CDH11: variants seen among roughly 807,000 people sequenced by gnomAD.
CDH11 encodes cadherin-11.
CDH11 carries 11 observed loss-of-function variants against 67.8 expected under a neutral mutation model. That is an observed-to-expected ratio of 0.16 (90% confidence interval 0.10 to 0.27). The LOEUF (loss-of-function observed/expected upper bound fraction) is 0.27. Ranked by LOEUF, CDH11 falls within the 10% of genes least tolerant of loss-of-function variation. The pLI is 1.00. For synonymous variants in CDH11, 419 were observed against 400.0 expected (o/e 1.05, Z -0.57); for missense variants, 847 against 1,031.2 (o/e 0.82, Z 2.45).
chr16:64,951,048 C>G, intron 11 of CDH11, 30 bp from the exon 12 acceptor site: 1 of 1,602,700 alleles, frequency 6.2e-7, no homozygotes, highest in Non-Finnish European at 8.5e-7. Context: ...AGGCCGTGCG[C>G]CCAGTCAAGA....
At chr16:65,051,560 T>C (rs546511554) in intron 2 of CDH11, among the ~76,000 whole-genome samples, 1 of 152,326 alleles carries the variant, frequency 6.6e-6, no homozygotes, top group Admixed American at 6.5e-5. Flanking sequence ...TCTTCCCTGA[T>C]ATGCTTTGGA....
intron 1 of CDH11, among the ~76,000 whole-genome samples, chr16:65,104,221 A>G (rs2075034847): frequency 6.6e-6 from 1 of 152,198 alleles, no homozygotes; most frequent in Admixed American, 6.5e-5. Context: ...TAAGCAGAGG[A>G]AAGATTCTCT....
At chr16:65,038,853 G>A (rs745664836) in intron 2 of CDH11, among the ~76,000 whole-genome samples, 3 of 152,196 alleles carry the variant, frequency 2.0e-5, no homozygotes, top group Non-Finnish European at 4.4e-5. Flanking sequence ...GTTTCCTACC[G>A]CACACCTGCC....
intron 3 of CDH11, among the ~76,000 whole-genome samples, chr16:65,003,155 T>C (rs193046565): frequency 1.0e-3 from 152 of 151,458 alleles, no homozygotes; most frequent in Non-Finnish European, 1.6e-3. Context: ...AAAAATACTT[T>C]AACAAAAATG....
At chr16:65,045,367 A>ATATATATATATG (rs1567546361) in intron 2 of CDH11, among the ~76,000 whole-genome samples, 4 of 123,492 alleles carry the variant, frequency 3.2e-5, no homozygotes, top group African/African-American at 9.2e-5. Flanking sequence ...ATATATATAT[A>ATATATATATATG]TATATGAACT....
At chr16:64,993,196 A>T (rs1417920153) in intron 4 of CDH11, among the ~76,000 whole-genome samples, 162 bp from the exon 5 acceptor site, 2 of 147,214 alleles carry the variant, frequency 1.4e-5, no homozygotes, top group East Asian at 2.0e-4. Context: ...CAGCCAACCA[A>T]CCTTCCTTCC....
At chr16:65,075,860 T>A (rs191617660) in intron 1 of CDH11, among the ~76,000 whole-genome samples, 152 of 152,342 alleles carry the variant, frequency 1.0e-3, no homozygotes, top group African/African-American at 3.4e-3. Flanking sequence ...TATAAATGAT[T>A]GTGTTTTCTT....
intron 3 of CDH11, among the ~76,000 whole-genome samples, chr16:65,003,079 T>A (rs2072961653): frequency 2.1e-5 from 3 of 142,804 alleles, no homozygotes; most frequent in African/African-American, 7.4e-5. Flanking sequence ...TAAGGATCTA[T>A]CTTTGTTTTT....
chr16:65,089,792 T>C (rs2074764537), intron 1 of CDH11, among the ~76,000 whole-genome samples: 1 of 152,218 alleles, frequency 6.6e-6, no homozygotes, highest in Non-Finnish European at 1.5e-5. Flanking sequence ...TAATGTATTC[T>C]TGCTAAATAC....
chr16:65,012,799 G>A (rs1285638173), intron 2 of CDH11, among the ~76,000 whole-genome samples: 1 of 152,170 alleles, frequency 6.6e-6, no homozygotes, highest in Non-Finnish European at 1.5e-5. Flanking sequence ...GAGGAAAAAA[G>A]TTTGGTGATT....
chr16:65,067,918 AGGAG>A (rs2074343804), intron 1 of CDH11, among the ~76,000 whole-genome samples: 1 of 109,208 alleles, frequency 9.2e-6, no homozygotes, highest in Non-Finnish European at 1.8e-5. Flanking sequence ...AAGGAAGGGA[AGGAG>A]GGAGGGAGGG....
intron 3 of CDH11, among the ~76,000 whole-genome samples, chr16:65,000,238 A>G (rs916091454): frequency 3.9e-5 from 6 of 152,194 alleles, no homozygotes; most frequent in Non-Finnish European, 7.3e-5. Context: ...GTTTTCAAAC[A>G]TGAAAGTCTC....
rs1201675340 is a variant in CDH11, at chr16:64,991,953, C to T, written c.644-18G>A. 2.6e-6 allele frequency: 4 copies of T among 1,550,532 alleles called. No homozygotes were observed. Among genetic ancestry groups the T allele is most frequent in the African/African-American group, 1.4e-5 (1 of 73,938 alleles). The stretch of plus-strand genomic sequence containing the variant: ...GATGATACCTGGACAGGTAAGCAGG[C>T]AACATCACAGATATTCGTTTATAAC... On this transcript the variant is annotated intron_variant, in intron 5 of 12. Coordinates refer to ENST00000268603, the MANE Select transcript of CDH11 (RefSeq NM_001797.4).
chr16:64,979,777 A>T (rs981653223), intron 8 of CDH11, among the ~76,000 whole-genome samples: 5 of 152,222 alleles, frequency 3.3e-5, no homozygotes, highest in Non-Finnish European at 7.3e-5. Context: ...AGGAATGTTC[A>T]GCATTATCTG....
intron 2 of CDH11, among the ~76,000 whole-genome samples, chr16:65,027,963 C>T (rs2073567143): frequency 6.6e-6 from 1 of 152,082 alleles, no homozygotes; most frequent in African/African-American, 2.4e-5. Flanking sequence ...AGCAAGTCAG[C>T]TCACTAAAAT....
chr16:64,993,126 A>G (rs1335415981), intron 4 of CDH11, 92 bp from the exon 5 acceptor site: 6 of 1,039,602 alleles, frequency 5.8e-6, no homozygotes, highest in Non-Finnish European at 8.9e-6. Flanking sequence ...TTAACCCTGA[A>G]GAAGGCACCA....
chr16:65,005,338 A>C (rs1445122338), intron 2 of CDH11, among the ~76,000 whole-genome samples: 2 of 152,204 alleles, frequency 1.3e-5, no homozygotes, highest in Non-Finnish European at 2.9e-5. Flanking sequence ...AATTGTGCTT[A>C]GATATGATTT....
At chr16:65,041,740 C>T (rs551067090) in intron 2 of CDH11, among the ~76,000 whole-genome samples, 1 of 152,222 alleles carries the variant, frequency 6.6e-6, no homozygotes, top group Admixed American at 6.5e-5. Flanking sequence ...ACTTTGGGTA[C>T]TGAACTACAT....
rs144137756 is a variant in CDH11, at chr16:65,121,775, C to T, written c.-298+105G>A. 12 of 699,010 alleles carry T rather than the reference C, an allele frequency of 1.7e-5. No homozygotes were observed. The East Asian group carries it at 3.2e-4, about 19-fold the overall frequency. The allele number at this position is 699,010 out of a possible 1,614,324, so 43.3% of individuals were successfully genotyped here. A position where few individuals can be genotyped will look rare whatever the true frequency, so the allele number is the denominator to read the frequency against. ...TCTCGACTCAGATACCACCGTCCCC[C>T]TCACCACCCCGCCCCGCCAAGACAT... On this transcript the variant is annotated intron_variant, in intron 1 of 12. Coordinates refer to ENST00000268603, the MANE Select transcript of CDH11 (RefSeq NM_001797.4). This position sits in a 1 kb window ranked among gnomAD's most constrained non-coding sequence, Gnocchi z 4.1.
Sources: gnomAD v4.1 joint callset for allele counts (sites outside exome capture counted in the v4.1 genomes callset) on GRCh38, gnomAD v4.1.1 for gene constraint, Gnocchi (gnomAD v3.1) non-coding constraint, MANE v1.5 for transcripts, NCBI Gene and HGNC (gene_info 2026-07-23, HGNC 2026-07-21) for gene names.